The following PKD1L1 variants were observed in gnomAD, a reference collection of about 807,000 sequenced individuals.
PKD1L1 encodes polycystin-1-like protein 1.
In PKD1L1, 236 loss-of-function variants were observed where a neutral mutation model predicts 323.4. That is an observed-to-expected ratio of 0.73 (90% CI 0.66 to 0.81). PKD1L1 has a LOEUF of 0.81. Ranked by LOEUF, PKD1L1 falls within the 40% of genes least tolerant of loss-of-function variation. The pLI is 0.00. For synonymous variants in PKD1L1, 1,344 were observed against 1,335.0 expected, an observed-to-expected ratio of 1.01 and a Z score of -0.15; for missense variants, 3,320 against 3,508.0, an observed-to-expected ratio of 0.95 and a Z score of 1.35.
rs1161142846 is a variant in PKD1L1 at position 47,813,482 on chromosome 7, A to G, written c.7174-189T>C. On this transcript the variant is annotated intron_variant, in intron 48 of 56. Transcript: ENST00000289672. ...GACTCTAGCTCAAGCTACAGGATCA[A>G]GGTTCTACCCACAGAAGGTTGGCAT... The G allele has an allele frequency of 5.4e-6, 4 of 736,990 alleles. No individual in the cohort carries two copies. The East Asian group carries it at 1.1e-4, about 20-fold the overall frequency. 45.7% of individuals were successfully genotyped at this position (736,990 alleles called of 1,614,324 possible).
intron 39 of PKD1L1, 39 bp from the exon 40 acceptor site, chr7:47,834,424 G>C (rs779799540): frequency 6.4e-6 from 10 of 1,553,426 alleles, no homozygotes; most frequent in African/African-American, 1.4e-5. Context: ...ACGATGCTTT[G>C]GGGTGATACA....
chr7:47,960,212 AC>A, the PKD1L1 span, among the ~76,000 whole-genome samples: 1 of 149,616 alleles, frequency 6.7e-6, no homozygotes, highest in South Asian at 2.1e-4. Context: ...AATCTCAAGT[AC>A]CCAGGGACAC....
intron 7 of PKD1L1, among the ~76,000 whole-genome samples, chr7:47,922,775 C>A (rs1335067743): frequency 1.3e-5 from 2 of 151,918 alleles, no homozygotes; most frequent in Non-Finnish European, 2.9e-5. Context: ...CCACCCCGGC[C>A]AGCCGCCCCA....
rs773710452 is a variant in PKD1L1, at chr7:47,833,142, G to A, written c.6285C>T (p.His2095=). ...TTTTCCCCATCAGAGAAGTCCTGCTGTGGTCAGCCCCATGAACCTGCAGCT... is the reference window on the plus strand; with the variant it reads ...TTTTCCCCATCAGAGAAGTCCTGCTATGGTCAGCCCCATGAACCTGCAGCT... ...APKLQVHGAD[H]SRTSLMGKSH... The change falls in exon 41 of 57, where the codon CAC becomes CAT. Residue 2095 remains histidine (H), a synonymous_variant. Coordinates refer to ENST00000289672, the MANE Select transcript of PKD1L1 (RefSeq NM_138295.5). The A allele has an allele frequency of 8.7e-6, 14 of 1,612,542 alleles. No individual in the cohort carries two copies. The highest frequency in any genetic ancestry group is 1.1e-5 in the Non-Finnish European group (13 of 1,179,454).
intron 8 of PKD1L1, among the ~76,000 whole-genome samples, chr7:47,911,939 AAAGAAAGGAAGG>A (rs954775104): frequency 1.3e-5 from 2 of 151,970 alleles, no homozygotes; most frequent in Non-Finnish European, 2.9e-5. Flanking sequence ...AAAAAAAAAA[AAAGAAAGGAAGG>A]AAGAAAGGAA....
chr7:47,863,917 A>G (rs1362595547), intron 26 of PKD1L1, among the ~76,000 whole-genome samples: 2 of 152,184 alleles, frequency 1.3e-5, no homozygotes, highest in African/African-American at 4.8e-5. Context: ...CTCAGAACTC[A>G]CTTTTTAAAT....
At chr7:47,815,287 T>C (rs750129749) in intron 47 of PKD1L1, 47 bp downstream of exon 47, 6 of 1,598,160 alleles carry the variant, frequency 3.8e-6, no homozygotes, top group East Asian at 2.2e-5. Flanking sequence ...CACTGCAAGA[T>C]AGCTTTTCTG....
At chr7:47,841,966 T>A (rs1392551112) in intron 34 of PKD1L1, among the ~76,000 whole-genome samples, 2 of 152,264 alleles carry the variant, frequency 1.3e-5, no homozygotes, top group African/African-American at 4.8e-5. Flanking sequence ...AACCTCATCC[T>A]GTACGAAGAA....
chr7:47,886,021 G>T lies in PKD1L1; in HGVS notation c.2870C>A (p.Ser957Ter). 1 of 1,614,020 alleles carries T rather than the reference G, an allele frequency of 6.2e-7. No individual in the cohort carries two copies. Among genetic ancestry groups the T allele is most frequent in the Non-Finnish European group, 8.5e-7 (1 of 1,179,980 alleles). The change falls in exon 18 of 57, where the codon TCG (serine) becomes TAG (stop). Residue 957 changes from serine (S) to a stop codon, truncating the protein, a stop_gained. Coordinates refer to ENST00000289672, the MANE Select transcript of PKD1L1 (RefSeq NM_138295.5). LOFTEE classifies it high-confidence loss of function. ...CTCTGAAATGGCACCGAGTCCCAGC[G>T]AGCCAAGCAGCCCCACTACTCTGCA... Reference protein sequence around the residue: ...PFCRVVGLLGSLGLGAISESS... With the variant: ...PFCRVVGLLG
At position 47,832,664 on chromosome 7, in the gene PKD1L1, TC is replaced by T. The variant is rs552790396; in HGVS notation, c.6337+425del. On this transcript the variant is annotated intron_variant, in intron 41 of 56. Coordinates refer to ENST00000289672, the MANE Select transcript of PKD1L1 (RefSeq NM_138295.5). ...CCTCTTTGCCATCATTTGGCCACCC[TC>T]CTAGGATTGCAGCAGGATTCAATCA... is the stretch of plus-strand genomic sequence containing the variant. Among the ~76,000 whole-genome samples the T allele has an allele frequency of 1.5e-3, 223 of 152,222 alleles. 1 individual carries two copies. Among genetic ancestry groups the T allele is most frequent in the Non-Finnish European group, 2.6e-3 (179 of 67,970 alleles).
chr7:47,790,334 AT>A (rs35927380), intron 56 of PKD1L1, among the ~76,000 whole-genome samples: 97,996 of 146,322 alleles, frequency 0.67, 32,890 homozygotes, highest in Non-Finnish European at 0.72. Flanking sequence ...TAAATAAATA[AT>A]TTTTTTTTTT....
chr7:47,849,806 T>C (rs1053831978), intron 31 of PKD1L1, among the ~76,000 whole-genome samples: 1 of 152,128 alleles, frequency 6.6e-6, no homozygotes, highest in Non-Finnish European at 1.5e-5. Context: ...AAAGAAAATA[T>C]GGTATGTATG....
Position 47,936,737 on chromosome 7 carries a change from G to A in PKD1L1, c.398+109C>T, listed in dbSNP as rs1318139221. On this transcript the variant is annotated intron_variant, in intron 4 of 56. Transcript: ENST00000289672. ...GAGCTGCATTTGCTAACCCACCCTCGGGCCATGTAGGAACAAGCATCGACT... is the reference window on the plus strand; with the variant it reads ...GAGCTGCATTTGCTAACCCACCCTCAGGCCATGTAGGAACAAGCATCGACT... 21 of 818,760 alleles carry A rather than the reference G, an allele frequency of 2.6e-5. 1 individual carries two copies. The East Asian group carries it at 3.0e-4, about 12-fold the overall frequency. The allele number at this position is 818,760 out of a possible 1,614,324, so 50.7% of individuals were successfully genotyped here. A position where few individuals can be genotyped will look rare whatever the true frequency, so the allele number is the denominator to read the frequency against.
chr7:47,903,781 C>A (rs1787141857), intron 12 of PKD1L1, among the ~76,000 whole-genome samples: 1 of 152,190 alleles, frequency 6.6e-6, no homozygotes, highest in African/African-American at 2.4e-5. Context: ...ATTAGATCCA[C>A]TTGGGTCCTA....
chr7:47,922,132 T>G (rs1787556648), intron 7 of PKD1L1, among the ~76,000 whole-genome samples: 1 of 152,236 alleles, frequency 6.6e-6, no homozygotes, highest in Non-Finnish European at 1.5e-5. Flanking sequence ...CGGGCTGGTC[T>G]CCAGCTCCTG....
the PKD1L1 span, among the ~76,000 whole-genome samples, chr7:47,957,875 A>ATATATATATATATATATATATATC: frequency 6.7e-6 from 1 of 148,426 alleles, no homozygotes; most frequent in Admixed American, 6.7e-5. Context: ...ATATATATAT[A>ATATATATATATATATATATATATC]TATCTAGAAA....
chr7:47,847,153 G>T (rs1186626746), intron 31 of PKD1L1, 82 bp from the exon 32 acceptor site: 3 of 1,130,184 alleles, frequency 2.7e-6, no homozygotes, highest in Non-Finnish European at 3.6e-6. Flanking sequence ...GACAGAGTAG[G>T]CAGATAGGTG....
chr7:47,780,834 G>A (rs1472190156), intron 56 of PKD1L1, among the ~76,000 whole-genome samples: 1 of 152,164 alleles, frequency 6.6e-6, no homozygotes, highest in Non-Finnish European at 1.5e-5. Context: ...GCTATTTCCA[G>A]TTCAGAGGTG....
intron 7 of PKD1L1, among the ~76,000 whole-genome samples, chr7:47,928,735 ATT>A (rs560985606): frequency 1.0e-3 from 158 of 152,246 alleles, no homozygotes; most frequent in African/African-American, 3.7e-3. Context: ...AATGTAAAGA[ATT>A]TTTTCTTACT....
Sources: allele counts gnomAD v4.1 joint callset (sites outside exome capture counted in the v4.1 genomes callset), GRCh38; gene constraint gnomAD v4.1.1; transcripts MANE v1.5; gene names NCBI Gene and HGNC (gene_info 2026-07-23, HGNC 2026-07-21).